COL15A1: variants seen among roughly 807,000 people sequenced by gnomAD.
COL15A1 encodes the protein collagen type XV alpha 1 chain.
A neutral mutation model predicts 165.9 loss-of-function variants in COL15A1; 111 were observed. That is an observed-to-expected ratio of 0.67 (90% CI 0.57 to 0.78). COL15A1 has a LOEUF of 0.78. Among genes scored for constraint, COL15A1 ranks in the 30% least tolerant of loss-of-function variants. COL15A1 has a pLI of 0.00. For missense variants in COL15A1, 1,745 were observed against 1,789.7 expected (o/e 0.98, Z 0.45); for synonymous variants, 659 against 674.8 (o/e 0.98, Z 0.36).
intron 2 of COL15A1, among the ~76,000 whole-genome samples, chr9:98,976,761 C>T (rs1028976148): frequency 1.3e-5 from 2 of 152,148 alleles, no homozygotes; most frequent in Non-Finnish European, 2.9e-5. Flanking sequence ...ACGCCAGTTC[C>T]TACACTTAAG....
chr9:98,990,713 C>G (rs536415582), intron 5 of COL15A1, among the ~76,000 whole-genome samples: 10 of 152,180 alleles, frequency 6.6e-5, no homozygotes, highest in African/African-American at 2.2e-4. Context: ...GGAGGGGGCA[C>G]CAGAGCTGGG....
chr9:99,046,259 A>G (rs1839490167), intron 26 of COL15A1, among the ~76,000 whole-genome samples: 1 of 152,208 alleles, frequency 6.6e-6, no homozygotes, highest in African/African-American at 2.4e-5. Context: ...TGACCAGTGT[A>G]GCTTATAACG....
chr9:98,999,947 T>A (rs1158343054), intron 6 of COL15A1, among the ~76,000 whole-genome samples: 1 of 150,402 alleles, frequency 6.6e-6, no homozygotes, highest in Non-Finnish European at 1.5e-5. Context: ...CTCTGCCCAC[T>A]GCAACCTCTG....
chr9:99,029,458 A>G (rs1038816239), intron 16 of COL15A1, among the ~76,000 whole-genome samples: 7 of 152,258 alleles, frequency 4.6e-5, no homozygotes, highest in South Asian at 2.1e-4. Context: ...TAAACCTTGT[A>G]TAAGAAAGAA....
At chr9:99,005,830 C>T (rs186442038) in intron 9 of COL15A1, among the ~76,000 whole-genome samples, 4 of 152,318 alleles carry the variant, frequency 2.6e-5, no homozygotes, top group African/African-American at 9.6e-5. Flanking sequence ...CTCCTCCATC[C>T]TCTCACAGCT....
chr9:98,997,103 T>C, intron 6 of COL15A1, 22 bp downstream of exon 6: 1 of 1,613,714 alleles, frequency 6.2e-7, no homozygotes, highest in Non-Finnish European at 8.5e-7. Flanking sequence ...TGCACATGCC[T>C]ACGTAGTGGC....
chr9:99,065,710 G>C (rs1825880640), intron 39 of COL15A1, among the ~76,000 whole-genome samples: 1 of 149,168 alleles, frequency 6.7e-6, no homozygotes, highest in South Asian at 2.2e-4. Flanking sequence ...TGAATAAAAA[G>C]AGAGAGACTG....
At chr9:98,970,299 C>A (rs947697280) in intron 2 of COL15A1, among the ~76,000 whole-genome samples, 1 of 152,216 alleles carries the variant, frequency 6.6e-6, no homozygotes, top group South Asian at 2.1e-4. Flanking sequence ...TAGATAGCTT[C>A]CAATAGAGGG....
intron 2 of COL15A1, among the ~76,000 whole-genome samples, chr9:98,964,927 G>C (rs892138359): frequency 6.6e-6 from 1 of 152,180 alleles, no homozygotes; most frequent in African/African-American, 2.4e-5. Context: ...CTATGAGCTC[G>C]TTCTGACTGC....
At chr9:99,064,504 G>A (rs1825864956) in intron 39 of COL15A1, among the ~76,000 whole-genome samples, 1 of 152,196 alleles carries the variant, frequency 6.6e-6, no homozygotes, top group Non-Finnish European at 1.5e-5. Flanking sequence ...GATCTTGGCT[G>A]TAGATGAGCC....
intron 4 of COL15A1, 25 bp from the exon 5 acceptor site, chr9:98,989,153 T>C (rs1838372127): frequency 1.2e-6 from 2 of 1,600,662 alleles, no homozygotes; most frequent in Non-Finnish European, 1.7e-6. Context: ...CTGCCCGGTG[T>C]GTGGCACAGT....
At chr9:98,973,978 G>A (rs1449555252) in intron 2 of COL15A1, among the ~76,000 whole-genome samples, 1 of 152,242 alleles carries the variant, frequency 6.6e-6, no homozygotes, top group Non-Finnish European at 1.5e-5. Flanking sequence ...ACTGCTCAAA[G>A]TCATATGCCA....
chr9:99,004,874 G>A (rs561432064), intron 8 of COL15A1, 24 bp from the exon 9 acceptor site: 56 of 1,613,814 alleles, frequency 3.5e-5, no homozygotes, highest in East Asian at 8.9e-5. Context: ...GCACTGACGC[G>A]GTTCCTGTTG....
chr9:99,031,922 A>G (rs76285060), intron 16 of COL15A1, among the ~76,000 whole-genome samples: 7,577 of 152,048 alleles, frequency 0.05, 443 homozygotes, highest in East Asian at 0.13. Flanking sequence ...GAGACCCTGG[A>G]TTTTTTAAAA....
intron 2 of COL15A1, among the ~76,000 whole-genome samples, chr9:98,950,550 C>CTTCCTT (rs1554682439): frequency 3.0e-5 from 2 of 66,958 alleles, no homozygotes; most frequent in Non-Finnish European, 5.0e-5. Flanking sequence ...CCTTCCCTTC[C>CTTCCTT]CCTTCCTTCC....
intron 16 of COL15A1, among the ~76,000 whole-genome samples, chr9:99,034,211 G>A (rs904212336): frequency 1.3e-5 from 2 of 152,182 alleles, no homozygotes; most frequent in East Asian, 1.9e-4. Flanking sequence ...CCTCCGTCAT[G>A]GGAAGGGTGG....
intron 30 of COL15A1, among the ~76,000 whole-genome samples, chr9:99,051,414 A>G (rs1465710336): frequency 6.6e-6 from 1 of 152,220 alleles, no homozygotes; most frequent in Admixed American, 6.5e-5. Context: ...GAGCTGGGTC[A>G]TAGACGTTTC....
intron 9 of COL15A1, among the ~76,000 whole-genome samples, chr9:99,006,727 G>A (rs1183092856): frequency 5.3e-5 from 8 of 151,916 alleles, no homozygotes; most frequent in Admixed American, 3.9e-4. Context: ...AGGCACTTAC[G>A]ACAGAGTGGG....
intron 5 of COL15A1, among the ~76,000 whole-genome samples, chr9:98,990,166 A>G (rs1298524164): frequency 6.6e-6 from 1 of 152,186 alleles, no homozygotes; most frequent in African/African-American, 2.4e-5. Flanking sequence ...GGAAGGACCC[A>G]AAGTCCTGTA....
Sources: gnomAD v4.1 joint callset for allele counts (sites outside exome capture counted in the v4.1 genomes callset) on GRCh38, gnomAD v4.1.1 for gene constraint, MANE v1.5 for transcripts, NCBI Gene and HGNC (gene_info 2026-07-23, HGNC 2026-07-21) for gene names.